The following CYP11A1 variants were observed in gnomAD, a reference collection of about 807,000 sequenced individuals.
CYP11A1 encodes the protein cytochrome P450 family 11 subfamily A member 1, also known as cholesterol side-chain cleavage enzyme, mitochondrial.
CYP11A1 carries 25 observed loss-of-function variants against 51.9 expected under a neutral mutation model. The ratio of observed to expected loss-of-function variants is 0.48; its 90% CI spans 0.35 to 0.67. The LOEUF is 0.67. Among genes scored for constraint, CYP11A1 ranks in the 30% least tolerant of loss-of-function variants. CYP11A1 has a pLI of 0.00. For missense variants in CYP11A1, 578 were observed against 680.9 expected, an observed-to-expected ratio of 0.85 and a Z score of 1.68; for synonymous variants, 245 against 262.1, an observed-to-expected ratio of 0.93 and a Z score of 0.63.
chr15:74,339,828 G>A, intron 5 of CYP11A1, 75 bp from the exon 6 acceptor site: 1 of 1,450,548 alleles, frequency 6.9e-7, no homozygotes, highest in South Asian at 1.1e-5. Context: ...TTGACCCCAT[G>A]GTAAATTTTC....
chr15:74,355,221 T>C (rs2060673779), intron 1 of CYP11A1, among the ~76,000 whole-genome samples: 1 of 152,122 alleles, frequency 6.6e-6, no homozygotes, highest in African/African-American at 2.4e-5. Flanking sequence ...CCTCTTCAAC[T>C]CACACGTGAC....
intron 8 of CYP11A1, chr15:74,338,356 TG>T (rs2060589194): frequency 1.4e-6 from 1 of 711,322 alleles, no homozygotes; most frequent in Non-Finnish European, 2.5e-6. Flanking sequence ...CCATGGGGAA[TG>T]GATGGCCAGG....
rs915533918 is a variant in CYP11A1, at chr15:74,339,736, C to G, written c.1008G>C (p.Gln336His). The G allele has an allele frequency of 6.2e-7, 1 of 1,614,188 alleles. No homozygotes were observed. The highest frequency in any genetic ancestry group is 1.1e-5 in the South Asian group (1 of 91,088). Residue 336 changes from glutamine to histidine, a missense_variant, in exon 6 of 9, where the codon CAG (glutamine) becomes CAC (histidine). Physicochemically the swap from Gln to His is conservative, Grantham distance 24. Coordinates refer to ENST00000268053, the MANE Select transcript of CYP11A1 (RefSeq NM_000781.3). ...TGCGTGCCATCTCATACAAGTGCCA[C>G]TGCAGGGTCATGGACGTCTGGTGGG... ...GGVDTTSMTL[Q>H]WHLYEMARNL...
intron 1 of CYP11A1, among the ~76,000 whole-genome samples, chr15:74,360,296 G>A (rs2060701621): frequency 6.6e-6 from 1 of 151,634 alleles, no homozygotes; most frequent in South Asian, 2.1e-4. Flanking sequence ...TTTTGTTTTT[G>A]TTTTGACAGA....
chr15:74,340,742 T>C (rs1455028464), intron 5 of CYP11A1, among the ~76,000 whole-genome samples: 1 of 152,110 alleles, frequency 6.6e-6, no homozygotes, highest in Non-Finnish European at 1.5e-5. Context: ...CAGCTTAAAA[T>C]CCTTGCCTGG....
intron 8 of CYP11A1, 41 bp downstream of exon 8, chr15:74,338,530 G>A (rs567242447): frequency 1.2e-6 from 2 of 1,604,728 alleles, no homozygotes; most frequent in East Asian, 4.5e-5. Context: ...ATTAGGGCCA[G>A]GGCCAGCCCA....
At chr15:74,339,437 GC>G (rs1430106014) in intron 6 of CYP11A1, 122 bp from the exon 7 acceptor site, 26 of 1,381,028 alleles carry the variant, frequency 1.9e-5, no homozygotes, top group Non-Finnish European at 2.7e-5. Context: ...TGGGGGTAGG[GC>G]CCTGGCTCTA....
intron 1 of CYP11A1, among the ~76,000 whole-genome samples, chr15:74,356,679 C>G (rs963751497): frequency 2.6e-5 from 4 of 152,192 alleles, no homozygotes; most frequent in African/African-American, 7.2e-5. Flanking sequence ...CTGCCCAGTT[C>G]CCTTATTAGG....
At position 74,343,859 on chromosome 15, in the gene CYP11A1, G is replaced by A. The variant is rs1287959941; in HGVS notation, c.759C>T (p.Asp253=). 8 of 1,613,924 alleles carry A rather than the reference G, an allele frequency of 5.0e-6. No individual in the cohort carries two copies. The South Asian group carries it at 5.5e-5, about 11-fold the overall frequency. Residue 253 remains aspartate (D), a synonymous_variant, in exon 4 of 9, where the codon GAC becomes GAT. Coordinates refer to ENST00000268053, the MANE Select transcript of CYP11A1 (RefSeq NM_000781.3). The part of the protein sequence containing the change: ...TSVPMLNLPP[D]LFRLFRTKTW... Reference sequence around the variant, plus strand: ...TCTTGGTCCTGAACAGACGGAACAGGTCTGGGGGAAGGTTGAGCATGGGGA... The same window carrying A: ...TCTTGGTCCTGAACAGACGGAACAGATCTGGGGGAAGGTTGAGCATGGGGA...
chr15:74,358,100 CTT>C (rs1385975097), intron 1 of CYP11A1, among the ~76,000 whole-genome samples: 1 of 152,180 alleles, frequency 6.6e-6, no homozygotes, highest in African/African-American at 2.4e-5. Flanking sequence ...CTTAATGCCT[CTT>C]TAATAAAAAC....
In CYP11A1 at chr15:74,343,783, C is replaced by G. The variant is rs1260677101; in HGVS notation, c.829+6G>C. The G allele has an allele frequency of 6.2e-7, 1 of 1,611,448 alleles. No individual in the cohort carries two copies. The highest frequency in any genetic ancestry group is 1.1e-5 in the South Asian group (1 of 90,988). On this transcript the variant is annotated splice_donor_region_variant and intron_variant, in intron 4 of 8. Coordinates refer to ENST00000268053, the MANE Select transcript of CYP11A1 (RefSeq NM_000781.3). Reference sequence around the variant, plus strand: ...AGGAGGAGAGCACAGCCAGAGAAGCCCTCACCTTTACTGAAAATCACGTCC... The same window carrying G: ...AGGAGGAGAGCACAGCCAGAGAAGCGCTCACCTTTACTGAAAATCACGTCC...
intron 1 of CYP11A1, among the ~76,000 whole-genome samples, chr15:74,359,209 A>G (rs972503442): frequency 2.0e-5 from 3 of 152,056 alleles, no homozygotes; most frequent in Non-Finnish European, 4.4e-5. Flanking sequence ...CCTTACCACA[A>G]AATCTTCCTT....
chr15:74,339,165 CTCTG>C, intron 7 of CYP11A1, 68 bp downstream of exon 7: 2 of 1,329,570 alleles, frequency 1.5e-6, no homozygotes, highest in Non-Finnish European at 2.2e-6. Flanking sequence ...CAGTGCCACC[CTCTG>C]TCTGCAATTC....
Position 74,337,929 on chromosome 15 carries a change from C to T in CYP11A1, c.*43G>A, listed in dbSNP as rs938131122. ...GATGCAGAGACCCCATGGGCCCCAC[C>T]CCTGGGCCTTCCTCCCATGTGGCTG... is the stretch of plus-strand genomic sequence containing the variant. On this transcript the variant is annotated 3_prime_UTR_variant, in exon 9 of 9. Coordinates refer to ENST00000268053, the MANE Select transcript of CYP11A1 (RefSeq NM_000781.3). 6.2e-6 allele frequency: 10 copies of T among 1,612,538 alleles called. No individual in the cohort carries two copies. The highest frequency in any genetic ancestry group is 1.1e-5 in the South Asian group (1 of 90,980).
At chr15:74,350,102 G>T (rs1374110994) in intron 1 of CYP11A1, 1 of 378,726 alleles carries the variant, frequency 2.6e-6, no homozygotes, top group African/African-American at 2.2e-5. Context: ...GAGAAAAAAG[G>T]AAAGAATTCC....
intron 1 of CYP11A1, chr15:74,361,595 G>A (rs764296955): frequency 5.7e-6 from 6 of 1,044,218 alleles, no homozygotes; most frequent in Non-Finnish European, 8.8e-6. Flanking sequence ...GTCACGGCGA[G>A]CCCTTGGGTC....
At chr15:74,338,512 G>A in intron 8 of CYP11A1, 59 bp downstream of exon 8, 6 of 1,538,198 alleles carry the variant, frequency 3.9e-6, no homozygotes, top group Non-Finnish European at 5.4e-6. Flanking sequence ...AGGAAGATTG[G>A]TGCCTTCATT....
At chr15:74,351,166 T>G (rs555417943) in intron 1 of CYP11A1, among the ~76,000 whole-genome samples, 3 of 152,116 alleles carry the variant, frequency 2.0e-5, no homozygotes, top group South Asian at 4.1e-4. Flanking sequence ...GTCTTTTTTA[T>G]GTTTTTTTTC....
At chr15:74,357,856 A>G (rs544620033) in intron 1 of CYP11A1, among the ~76,000 whole-genome samples, 1 of 152,350 alleles carries the variant, frequency 6.6e-6, no homozygotes, top group South Asian at 2.1e-4. Flanking sequence ...CACTCTCTCC[A>G]GTTCTCATAA....
Sources: allele counts gnomAD v4.1 joint callset (sites outside exome capture counted in the v4.1 genomes callset), GRCh38; gene constraint gnomAD v4.1.1; transcripts MANE v1.5; gene names NCBI Gene and HGNC (gene_info 2026-07-23, HGNC 2026-07-21).